PTPN3: variants seen among roughly 807,000 people sequenced by gnomAD.
PTPN3 encodes tyrosine-protein phosphatase non-receptor type 3.
A neutral mutation model predicts 132.7 loss-of-function variants in PTPN3; 96 were observed. The observed-to-expected ratio is 0.72, with a 90% CI of 0.61 to 0.86. The LOEUF is 0.86. Ranked by LOEUF, PTPN3 falls within the 40% of genes least tolerant of loss-of-function variation. The pLI is 0.00. For missense variants in PTPN3, 1,125 were observed against 1,159.6 expected, an observed-to-expected ratio of 0.97 and a Z score of 0.43; for synonymous variants, 398 against 429.0, an observed-to-expected ratio of 0.93 and a Z score of 0.89.
intron 2 of PTPN3, among the ~76,000 whole-genome samples, chr9:109,458,299 G>C (rs879844814): frequency 7.9e-5 from 12 of 152,160 alleles, no homozygotes; most frequent in Admixed American, 2.0e-4. Flanking sequence ...CCAGGCACAC[G>C]AGCTAAAAAC....
chr9:109,418,526 C>G (rs1289044558), intron 14 of PTPN3, among the ~76,000 whole-genome samples: 2 of 152,226 alleles, frequency 1.3e-5, no homozygotes, highest in African/African-American at 2.4e-5. Flanking sequence ...CACATGAATT[C>G]TGTGTGAAAA....
chr9:109,503,260 C>T (rs945468657), upstream of PTPN3, among the ~76,000 whole-genome samples: 1 of 152,066 alleles, frequency 6.6e-6, no homozygotes, highest in Non-Finnish European at 1.5e-5. Context: ...GGCTCAGGAG[C>T]GAGAAGGTGG....
intron 19 of PTPN3, among the ~76,000 whole-genome samples, chr9:109,391,877 G>GGGC (rs1554777643): frequency 1.2e-4 from 12 of 101,066 alleles, no homozygotes; most frequent in African/African-American, 4.3e-4. Flanking sequence ...ATGTGGGGGG[G>GGGC]GGGGGGAAGA....
intron 1 of PTPN3, among the ~76,000 whole-genome samples, chr9:109,494,505 A>G (rs1404954875): frequency 6.6e-6 from 1 of 152,156 alleles, no homozygotes; most frequent in Non-Finnish European, 1.5e-5. Flanking sequence ...AAGTCTCTTC[A>G]TGCCTTTGCC....
chr9:109,423,304 C>T (rs748745991), intron 12 of PTPN3, among the ~76,000 whole-genome samples: 3 of 152,184 alleles, frequency 2.0e-5, no homozygotes, highest in Admixed American at 6.6e-5. Context: ...TCTGAAAATG[C>T]GCTTAGAAAG....
chr9:109,415,134 T>C (rs2900488), intron 14 of PTPN3, among the ~76,000 whole-genome samples: 74,524 of 150,310 alleles, frequency 0.5, 18,681 homozygotes, highest in South Asian at 0.71. Context: ...ATCCAAATAG[T>C]CACTGAATGT....
At chr9:109,382,501 C>T in intron 23 of PTPN3, 54 bp from the exon 24 acceptor site, 1 of 1,598,254 alleles carries the variant, frequency 6.3e-7, no homozygotes, top group Non-Finnish European at 8.6e-7. Flanking sequence ...AGCATGAGGA[C>T]CCAGCCCCAA....
At position 109,458,533 on chromosome 9, in the gene PTPN3, T is replaced by C. The variant is rs140607928; in HGVS notation, c.139-1134A>G. On this transcript the variant is annotated intron_variant, in intron 2 of 25. Coordinates refer to ENST00000374541, the MANE Select transcript of PTPN3 (RefSeq NM_002829.4). ...TGAGAGCAAATAATGTACTTGAAAA[T>C]AGGTCACAGTGACCAGCATTGGGAG... Among the ~76,000 whole-genome samples, 1,370 of 152,238 alleles carry C rather than the reference T, an allele frequency of 9.0e-3. 10 individuals are homozygous for C. The highest frequency in any genetic ancestry group is 0.034 in the Middle Eastern group (10 of 294).
chr9:109,502,861 TC>T (rs1168841410), upstream of PTPN3, among the ~76,000 whole-genome samples: 1 of 152,174 alleles, frequency 6.6e-6, no homozygotes, highest in African/African-American at 2.4e-5. Flanking sequence ...TTCCTGTATT[TC>T]AATTTAATGC....
intron 10 of PTPN3, among the ~76,000 whole-genome samples, chr9:109,430,832 C>A (rs1843613719): frequency 6.6e-6 from 1 of 152,218 alleles, no homozygotes; most frequent in African/African-American, 2.4e-5. Context: ...ATGCCCATGG[C>A]CAGCTCCAGC....
At chr9:109,432,720 C>T (rs1471993626) in intron 10 of PTPN3, among the ~76,000 whole-genome samples, 1 of 152,134 alleles carries the variant, frequency 6.6e-6, no homozygotes, top group Non-Finnish European at 1.5e-5. Context: ...AACCGAGGAA[C>T]AGAAATGAAA....
chr9:109,383,947 A>C, intron 22 of PTPN3, among the ~76,000 whole-genome samples: 1 of 139,068 alleles, frequency 7.2e-6, no homozygotes, highest in Non-Finnish European at 1.6e-5. Context: ...CTCCTCCACC[A>C]TTCTCCCCAC....
intron 14 of PTPN3, among the ~76,000 whole-genome samples, chr9:109,413,232 G>C (rs767575665): frequency 4.6e-5 from 7 of 152,200 alleles, no homozygotes; most frequent in Middle Eastern, 6.8e-3. Flanking sequence ...GGGATTACAG[G>C]CATGAGCCAC....
rs1406907628 is a variant in PTPN3, at chr9:109,438,119, C to T, written c.582G>A (p.Gln194=). Residue 194 remains glutamine (Q), a synonymous_variant, in exon 8 of 26, where the codon CAG becomes CAA. Coordinates refer to ENST00000374541, the MANE Select transcript of PTPN3 (RefSeq NM_002829.4). ...GCCACCCCAGCCCCCCTCACCTGTGCTGCTCATGCAGAGATTCGACTTTTG... is the reference window on the plus strand; with the variant it reads ...GCCACCCCAGCCCCCCTCACCTGTGTTGCTCATGCAGAGATTCGACTTTTG... ...FLTKVESLHE[Q]HSGLKQSEAE... 6.2e-7 allele frequency: 1 copy of T among 1,613,586 alleles called. No homozygotes were observed. The highest frequency in any genetic ancestry group is 8.5e-7 in the Non-Finnish European group (1 of 1,179,776).
chr9:109,386,585 T>C (rs191068827), intron 22 of PTPN3, among the ~76,000 whole-genome samples: 1 of 152,192 alleles, frequency 6.6e-6, no homozygotes, highest in East Asian at 1.9e-4. Flanking sequence ...GATCTCAGTA[T>C]TGAAGGACGA....
the PTPN3 span, among the ~76,000 whole-genome samples, chr9:109,529,639 C>CT: frequency 2.3e-4 from 35 of 152,264 alleles, 2 homozygotes; most frequent in East Asian, 6.8e-3. Flanking sequence ...TGAATTAAAA[C>CT]TTTTTTTAAT....
intron 14 of PTPN3, among the ~76,000 whole-genome samples, chr9:109,416,600 C>A (rs7865929): frequency 2.0e-5 from 3 of 151,822 alleles, no homozygotes; most frequent in African/African-American, 4.8e-5. Context: ...CAGACAACAT[C>A]GTGCCCGCCT....
At chr9:109,389,146 T>C in intron 22 of PTPN3, 87 bp downstream of exon 22, 1 of 1,521,038 alleles carries the variant, frequency 6.6e-7, no homozygotes, top group Admixed American at 1.9e-5. Flanking sequence ...CAGGAGACGC[T>C]GAAGACCCTT....
Position 109,457,051 on chromosome 9 carries a change from T to C in PTPN3, c.289+122A>G, listed in dbSNP as rs111898031. 782 of 1,015,930 alleles carry C rather than the reference T, an allele frequency of 7.7e-4. 6 individuals are homozygous for C. In the African/African-American group the frequency reaches 9.7e-3, roughly 13 times the overall value. 62.9% of individuals were successfully genotyped at this position (1,015,930 alleles called of 1,614,324 possible). A position where few individuals can be genotyped will look rare whatever the true frequency, so the allele number is the denominator to read the frequency against. On this transcript the variant is annotated intron_variant, in intron 4 of 25. Coordinates refer to ENST00000374541, the MANE Select transcript of PTPN3 (RefSeq NM_002829.4). ...AGACAGGGAGAAGTCGGCTCACTCA[T>C]GACTCCTGGACACCCGGAACTACAG...
Sources: gnomAD v4.1 joint callset for allele counts (sites outside exome capture counted in the v4.1 genomes callset) on GRCh38, gnomAD v4.1.1 for gene constraint, MANE v1.5 for transcripts, NCBI Gene and HGNC (gene_info 2026-07-23, HGNC 2026-07-21) for gene names.